The following WNT2B variants were observed in gnomAD, a reference collection of about 807,000 sequenced individuals.
The protein encoded by WNT2B is protein Wnt-2b.
WNT2B carries 19 observed loss-of-function variants against 40.5 expected under a neutral mutation model. The observed-to-expected ratio is 0.47, with a 90% CI of 0.33 to 0.69. The LOEUF (loss-of-function observed/expected upper bound fraction) is 0.69. Ranked by LOEUF, WNT2B falls within the 30% of genes least tolerant of loss-of-function variation. The pLI, the probability that WNT2B is intolerant of heterozygous loss-of-function variation, is 0.02. For missense variants in WNT2B, 467 were observed against 556.4 expected, an observed-to-expected ratio of 0.84 and a Z score of 1.62; for synonymous variants, 220 against 211.9, an observed-to-expected ratio of 1.04 and a Z score of -0.33.
intron 1 of WNT2B, among the ~76,000 whole-genome samples, chr1:112,510,238 C>A (rs542724243): frequency 1.3e-5 from 2 of 152,226 alleles, no homozygotes; most frequent in East Asian, 3.9e-4. Context: ...CTGGATGTCT[C>A]GTGTCTGTTC....
intron 1 of WNT2B, chr1:112,467,690 A>T: frequency 1.5e-6 from 1 of 688,124 alleles, no homozygotes; most frequent in South Asian, 1.6e-5. Context: ...GGTATATATG[A>T]TCATATACGT....
At chr1:112,496,734 G>T (rs1651787076) in intron 1 of WNT2B, among the ~76,000 whole-genome samples, 1 of 151,988 alleles carries the variant, frequency 6.6e-6, no homozygotes, top group Non-Finnish European at 1.5e-5. Context: ...CTGAGTAGCT[G>T]GGATTACAGG....
rs1652976432 is a variant in WNT2B at position 112,523,229 on chromosome 1, CTG to C, written c.*2723_*2724del. ...GCCTCTTCTGGCATCTCATGCTACT[CTG>C]TGCTTTTCCTTGGGCTCCAAATTCT... On this transcript the variant is annotated 3_prime_UTR_variant, in exon 5 of 5. Coordinates refer to ENST00000369684, the MANE Select transcript of WNT2B (RefSeq NM_024494.3). 6.6e-6 allele frequency: 1 copy of C among 152,228 alleles called. No homozygotes were observed. Among genetic ancestry groups the C allele is most frequent in the South Asian group, 2.1e-4 (1 of 4,826 alleles). 9.4% of individuals were successfully genotyped at this position (152,228 alleles called of 1,614,324 possible).
chr1:112,477,226 G>C (rs1651079364), intron 1 of WNT2B, among the ~76,000 whole-genome samples: 1 of 152,186 alleles, frequency 6.6e-6, no homozygotes. Context: ...TGGCTGCTGA[G>C]GGCCTCCAGA....
chr1:112,497,189 A>G (rs1175440646), intron 1 of WNT2B, among the ~76,000 whole-genome samples: 1 of 152,074 alleles, frequency 6.6e-6, no homozygotes, highest in Admixed American at 6.5e-5. Context: ...CCATGCCTCA[A>G]CGGGTCTGAG....
In WNT2B at chr1:112,529,599, GA is replaced by G. The variant is rs1308693644; in HGVS notation, c.*9091del. The G allele has an allele frequency of 1.3e-5, 2 of 152,158 alleles. No homozygotes were observed. The highest frequency in any genetic ancestry group is 3.4e-3 in the Middle Eastern group (1 of 294). 9.4% of individuals were successfully genotyped at this position (152,158 alleles called of 1,614,324 possible). ...TGTTCTCCCAGAGAAGCTATTATAA[GA>G]TAGGCATAGAGACAGAAGTCTCAAC... On this transcript the variant is annotated 3_prime_UTR_variant, in exon 5 of 5. Transcript: ENST00000369684.
At chr1:112,479,687 A>C (rs1347740833) in intron 1 of WNT2B, among the ~76,000 whole-genome samples, 1 of 152,024 alleles carries the variant, frequency 6.6e-6, no homozygotes, top group Non-Finnish European at 1.5e-5. Context: ...TGTTTTTGTA[A>C]GCAATTGAAG....
chr1:112,516,208 T>A lies in WNT2B; in HGVS notation c.472T>A (p.Cys158Ser). 1 of 1,614,092 alleles carries A rather than the reference T, an allele frequency of 6.2e-7. No homozygotes were observed. The highest frequency in any genetic ancestry group is 8.5e-7 in the Non-Finnish European group (1 of 1,180,016). ...GGTAGTCCACGCTATTACTCGCGCC[T>A]GTAGCCAGGGTGAACTGAGTGTGTG... is the stretch of plus-strand genomic sequence containing the variant. ...AGVVHAITRA[C>S]SQGELSVCSC... Residue 158 changes from cysteine to serine, a missense_variant, in exon 3 of 5, where the codon TGT becomes AGT. Transcript: ENST00000369684.
intron 1 of WNT2B, among the ~76,000 whole-genome samples, chr1:112,484,234 C>CATATATATACACAT (rs1557909810): frequency 4.4e-4 from 52 of 117,954 alleles, no homozygotes; most frequent in African/African-American, 2.1e-3. Context: ...TATATATACA[C>CATATATATACACAT]ATATATATAC....
chr1:112,481,944 T>C (rs56768833), intron 1 of WNT2B, among the ~76,000 whole-genome samples: 46,134 of 151,728 alleles, frequency 0.3, 8,073 homozygotes, highest in African/African-American at 0.48. Flanking sequence ...GTCAGGAGTT[T>C]GAGACCAGCC....
At position 112,524,587 on chromosome 1, in the gene WNT2B, C is replaced by T. The variant is rs1653127306; in HGVS notation, c.*4078C>T. On this transcript the variant is annotated 3_prime_UTR_variant, in exon 5 of 5. Transcript: ENST00000369684. Reference sequence around the variant, plus strand: ...ATTACACAGAGACCTGTAGCTCACACCTGGTTATTGATGGCCTTGGTGGAG... The same window carrying T: ...ATTACACAGAGACCTGTAGCTCACATCTGGTTATTGATGGCCTTGGTGGAG... The T allele has an allele frequency of 6.6e-6, 1 of 152,638 alleles. No homozygotes were observed. The highest frequency in any genetic ancestry group is 1.5e-5 in the Non-Finnish European group (1 of 68,062). The allele number at this position is 152,638 out of a possible 1,614,324, so 9.5% of individuals were successfully genotyped here.
chr1:112,519,444 G>A (rs1652736961), intron 4 of WNT2B, among the ~76,000 whole-genome samples: 1 of 152,018 alleles, frequency 6.6e-6, no homozygotes, highest in Admixed American at 6.6e-5. Flanking sequence ...ATTAACCATG[G>A]AAAAGCTTGG....
intron 1 of WNT2B, among the ~76,000 whole-genome samples, chr1:112,502,983 T>TCA (rs930083702): frequency 1.3e-5 from 2 of 151,644 alleles, no homozygotes; most frequent in Non-Finnish European, 2.9e-5. Context: ...GCACACACAC[T>TCA]CACACACACA....
chr1:112,483,809 T>A, intron 1 of WNT2B, among the ~76,000 whole-genome samples: 2 of 149,366 alleles, frequency 1.3e-5, no homozygotes, highest in Admixed American at 6.7e-5. Context: ...GAGAATAAAT[T>A]TAAAAAATAA....
exon 1 of WNT2B, chr1:112,467,360 T>C (rs1650738762): frequency 8.6e-6 from 5 of 583,064 alleles, no homozygotes; most frequent in Non-Finnish European, 1.6e-5. Flanking sequence ...ACAGGCACAT[T>C]TACCAAGAAG....
intron 1 of WNT2B, among the ~76,000 whole-genome samples, chr1:112,485,586 AGTTT>A (rs1221890899): frequency 2.0e-5 from 3 of 152,236 alleles, no homozygotes; most frequent in African/African-American, 7.2e-5. Flanking sequence ...ATATGTGCTT[AGTTT>A]ATTTTTTGAC....
At chr1:112,496,581 G>A (rs767808608) in intron 1 of WNT2B, among the ~76,000 whole-genome samples, 8 of 151,036 alleles carry the variant, frequency 5.3e-5, no homozygotes, top group Non-Finnish European at 7.4e-5. Flanking sequence ...ACAGGTGTAG[G>A]ACAGACGTTT....
At chr1:112,474,895 A>G (rs138865905) in intron 1 of WNT2B, among the ~76,000 whole-genome samples, 1 of 152,038 alleles carries the variant, frequency 6.6e-6, no homozygotes. Flanking sequence ...AATCCCCCAC[A>G]CACACACCCA....
chr1:112,481,868 C>T (rs1290231843), intron 1 of WNT2B, among the ~76,000 whole-genome samples: 7 of 151,624 alleles, frequency 4.6e-5, no homozygotes, highest in African/African-American at 9.7e-5. Context: ...TTAAATTAGT[C>T]GGGCATGGTG....
Sources: allele counts gnomAD v4.1 joint callset (sites outside exome capture counted in the v4.1 genomes callset), GRCh38; gene constraint gnomAD v4.1.1; transcripts MANE v1.5; gene names NCBI Gene and HGNC (gene_info 2026-07-23, HGNC 2026-07-21).